Variants in CADPS observed in about 807,000 individuals in gnomAD.
The protein encoded by CADPS is calcium dependent secretion activator.
In CADPS, 57 loss-of-function variants were observed where a neutral mutation model predicts 167.3. The ratio of observed to expected loss-of-function variants is 0.34; its 90% CI spans 0.28 to 0.42. CADPS has a LOEUF of 0.42. Ranked by LOEUF, CADPS falls within the 20% of genes least tolerant of loss-of-function variation. CADPS has a pLI of 1.00. For synonymous variants in CADPS, 676 were observed against 635.3 expected, an observed-to-expected ratio of 1.06 and a Z score of -0.96; for missense variants, 1,414 against 1,738.1, an observed-to-expected ratio of 0.81 and a Z score of 3.32.
Position 62,614,030 on chromosome 3 carries a change from C to T in CADPS, c.1326-21282G>A, listed in dbSNP as rs1036394233. Among the ~76,000 whole-genome samples the T allele has an allele frequency of 5.9e-5, 9 of 152,218 alleles. 1 individual carries two copies. The highest frequency in any genetic ancestry group is 5.9e-4 in the Admixed American group (9 of 15,280). ...ACTCCCTGCCTGCTACAGGGGAGGG[C>T]CTGGGAAAATCTCAGATTGTTAAAC... On this transcript the variant is annotated intron_variant, in intron 6 of 29. Coordinates refer to ENST00000383710, the MANE Select transcript of CADPS (RefSeq NM_003716.4).
intron 3 of CADPS, among the ~76,000 whole-genome samples, chr3:62,750,029 A>G (rs1053665329): frequency 1.2e-4 from 19 of 152,300 alleles, no homozygotes; most frequent in African/African-American, 4.6e-4. Context: ...GATTTTATGT[A>G]CATTACCTAA....
intron 23 of CADPS, among the ~76,000 whole-genome samples, chr3:62,477,726 T>G (rs1344967973): frequency 6.6e-6 from 1 of 152,152 alleles, no homozygotes; most frequent in Non-Finnish European, 1.5e-5. Context: ...GCTGTTGAAA[T>G]CCAGCTAGAT....
chr3:62,713,366 G>T (rs2083783268), intron 3 of CADPS, among the ~76,000 whole-genome samples: 2 of 152,186 alleles, frequency 1.3e-5, no homozygotes, highest in Non-Finnish European at 1.5e-5. Flanking sequence ...AAACAAGGAA[G>T]AGACAAAACC....
chr3:62,445,727 CAA>C, intron 27 of CADPS, 36 bp downstream of exon 27: 1 of 927,148 alleles, frequency 1.1e-6, no homozygotes, highest in Non-Finnish European at 1.5e-6. Context: ...AAAAAAAAAA[CAA>C]AAAAACCCCA....
intron 3 of CADPS, among the ~76,000 whole-genome samples, chr3:62,705,794 A>G (rs13088511): frequency 0.08 from 12,060 of 151,656 alleles, 622 homozygotes; most frequent in Non-Finnish European, 0.12. Flanking sequence ...TCCTTAATAA[A>G]CTCCCTTTTA....
intron 22 of CADPS, among the ~76,000 whole-genome samples, chr3:62,479,346 C>T (rs1001494168): frequency 2.6e-5 from 4 of 152,216 alleles, no homozygotes; most frequent in Non-Finnish European, 4.4e-5. Context: ...ATTTGGAGCT[C>T]TGAGGGGTGT....
At chr3:62,737,032 G>A (rs994758839) in intron 3 of CADPS, among the ~76,000 whole-genome samples, 3 of 152,054 alleles carry the variant, frequency 2.0e-5, no homozygotes, top group African/African-American at 7.2e-5. Context: ...CAGCTACTCG[G>A]GAGGCTGAGG....
intron 4 of CADPS, among the ~76,000 whole-genome samples, chr3:62,660,279 T>C (rs10510882): frequency 0.072 from 10,949 of 152,264 alleles, 478 homozygotes; most frequent in Non-Finnish European, 0.095. Context: ...GTTGGGAATA[T>C]ACTCGTTGTC....
At position 62,741,281 on chromosome 3, in the gene CADPS, A is replaced by G. The variant is rs906890604; in HGVS notation, c.888+12160T>C. On this transcript the variant is annotated intron_variant, in intron 3 of 29. Transcript: ENST00000383710. ...CCTGCCTAACTGATTTTATAAGGCC[A>G]GCATCATCTTGACACCAAAACCTAG... Among the ~76,000 whole-genome samples, 9 of 152,200 alleles carry G rather than the reference A, an allele frequency of 5.9e-5. 1 individual carries two copies. The highest frequency in any genetic ancestry group is 6.3e-3 in the Middle Eastern group (2 of 316).
intron 28 of CADPS, among the ~76,000 whole-genome samples, chr3:62,427,661 A>G (rs2053037399): frequency 6.6e-6 from 1 of 152,122 alleles, no homozygotes; most frequent in Admixed American, 6.5e-5. Flanking sequence ...CGGTAGAAGC[A>G]CTAACTCAGA....
intron 3 of CADPS, among the ~76,000 whole-genome samples, chr3:62,688,941 A>T (rs115659548): frequency 3.3e-5 from 5 of 152,016 alleles, no homozygotes; most frequent in Non-Finnish European, 7.4e-5. Flanking sequence ...ATTCAAGTTG[A>T]CATTGACAGC....
chr3:62,537,871 G>T (rs2068187), intron 11 of CADPS, among the ~76,000 whole-genome samples: 107,911 of 151,860 alleles, frequency 0.71, 38,830 homozygotes, highest in Middle Eastern at 0.83. Context: ...TCCATGGTAT[G>T]GTCAGATTTA....
At chr3:62,472,149 G>A (rs2060704711) in intron 24 of CADPS, among the ~76,000 whole-genome samples, 1 of 152,190 alleles carries the variant, frequency 6.6e-6, no homozygotes. Flanking sequence ...GTTCAGAATA[G>A]TTAAATCCTT....
chr3:62,459,553 C>CA (rs778397879), intron 26 of CADPS, among the ~76,000 whole-genome samples: 6 of 152,160 alleles, frequency 3.9e-5, no homozygotes, highest in Non-Finnish European at 8.8e-5. Context: ...TCTCCTTTGC[C>CA]AAGCAAAACT....
chr3:62,578,092 C>G (rs545494941), intron 8 of CADPS, among the ~76,000 whole-genome samples: 2 of 151,794 alleles, frequency 1.3e-5, no homozygotes, highest in East Asian at 3.9e-4. Context: ...AAAAGTTAGA[C>G]CTCACTCTAT....
intron 3 of CADPS, among the ~76,000 whole-genome samples, chr3:62,706,860 G>A (rs964415714): frequency 4.6e-5 from 7 of 152,054 alleles, no homozygotes; most frequent in African/African-American, 1.2e-4. Flanking sequence ...GGGTGGAAGC[G>A]GGGTGAGGGA....
At chr3:62,451,463 T>A (rs1370386918) in intron 26 of CADPS, among the ~76,000 whole-genome samples, 1 of 150,830 alleles carries the variant, frequency 6.6e-6, no homozygotes, top group African/African-American at 2.4e-5. Flanking sequence ...TACTATTAAA[T>A]CAATGCACAG....
chr3:62,510,903 G>A (rs1229880184), intron 17 of CADPS, among the ~76,000 whole-genome samples: 2 of 152,124 alleles, frequency 1.3e-5, no homozygotes, highest in Non-Finnish European at 2.9e-5. Context: ...GATTGCAATT[G>A]AGACCTGATA....
intron 6 of CADPS, among the ~76,000 whole-genome samples, chr3:62,638,642 T>G (rs570451157): frequency 2.0e-5 from 3 of 152,284 alleles, no homozygotes; most frequent in African/African-American, 7.2e-5. Flanking sequence ...TTATAGATTT[T>G]TCACGTTTAG....
Sources: gnomAD v4.1 joint callset for allele counts (sites outside exome capture counted in the v4.1 genomes callset) on GRCh38, gnomAD v4.1.1 for gene constraint, MANE v1.5 for transcripts, NCBI Gene and HGNC (gene_info 2026-07-23, HGNC 2026-07-21) for gene names.